BBS9: variants seen among roughly 807,000 people sequenced by gnomAD.
BBS9 encodes Bardet-Biedl syndrome 9.
In BBS9, 89 loss-of-function variants were observed where a neutral mutation model predicts 117.7. The ratio of observed to expected loss-of-function variants is 0.76; its 90% confidence interval spans 0.64 to 0.90. The LOEUF (loss-of-function observed/expected upper bound fraction) is 0.90. BBS9 is among the 40% of genes least tolerant of loss of function. BBS9 has a pLI of 0.00. For missense variants in BBS9, 982 were observed against 1,042.2 expected (o/e 0.94, Z 0.80); for synonymous variants, 379 against 370.9 (o/e 1.02, Z -0.25).
chr7:33,321,343 T>C (rs1811671812), intron 9 of BBS9, among the ~76,000 whole-genome samples: 1 of 152,132 alleles, frequency 6.6e-6, no homozygotes, highest in Non-Finnish European at 1.5e-5. Context: ...TTTAACAATA[T>C]TGATTCTTCT....
At chr7:33,150,518 G>C (rs1238016868) in intron 2 of BBS9, among the ~76,000 whole-genome samples, 1 of 152,132 alleles carries the variant, frequency 6.6e-6, no homozygotes, top group African/African-American at 2.4e-5. Context: ...ATGAATGGGA[G>C]TGTTCTGTGA....
chr7:33,199,830 A>G (rs1785548780), intron 5 of BBS9, among the ~76,000 whole-genome samples: 1 of 151,976 alleles, frequency 6.6e-6, no homozygotes, highest in Non-Finnish European at 1.5e-5. Context: ...AAGATACAGT[A>G]TATTGTTATA....
intron 21 of BBS9, among the ~76,000 whole-genome samples, chr7:33,579,407 A>T (rs1367322323): frequency 1.3e-5 from 2 of 152,140 alleles, no homozygotes; most frequent in African/African-American, 4.8e-5. Flanking sequence ...TATTTGTGTC[A>T]TGCAAAGGGG....
intron 19 of BBS9, among the ~76,000 whole-genome samples, chr7:33,490,338 G>GT (rs1194047026): frequency 6.7e-6 from 1 of 149,142 alleles, no homozygotes; most frequent in Non-Finnish European, 1.5e-5. Flanking sequence ...TTTCTTTTTT[G>GT]TTTTTTTCTG....
chr7:33,391,422 G>A (rs1317980976), intron 19 of BBS9, among the ~76,000 whole-genome samples: 1 of 151,972 alleles, frequency 6.6e-6, no homozygotes, highest in Non-Finnish European at 1.5e-5. Flanking sequence ...ATACACACAT[G>A]CACACATACA....
chr7:33,319,350 A>T (rs1437334344), intron 9 of BBS9, among the ~76,000 whole-genome samples: 1 of 152,124 alleles, frequency 6.6e-6, no homozygotes, highest in Non-Finnish European at 1.5e-5. Flanking sequence ...GTGCTGCTAT[A>T]AACATGCATG....
Position 33,505,563 on chromosome 7 carries a change from C to A in BBS9, c.2216C>A (p.Ala739Glu), listed in dbSNP as rs116483694. ...SATHLVILLIALWQKLSADQV... is the reference protein window; with the variant it reads ...SATHLVILLIELWQKLSADQV... ...ACCCATTTGGTGATTCTGCTGATCG[C>A]GCTGTGGCAGAAGCTTAGTGCTGAC... is the stretch of plus-strand genomic sequence containing the variant. Residue 739 changes from alanine (A) to glutamate (E), a missense_variant, in exon 20 of 23, where the codon GCG (alanine) becomes GAG (glutamate). Ala to Glu is a moderately radical substitution (Grantham distance 107). Transcript: ENST00000242067. 1 of 1,614,000 alleles carries A rather than the reference C, an allele frequency of 6.2e-7. No individual in the cohort carries two copies. Among genetic ancestry groups the A allele is most frequent in the Admixed American group, 1.7e-5 (1 of 60,002 alleles).
intron 5 of BBS9, among the ~76,000 whole-genome samples, chr7:33,240,391 G>T (rs1794292399): frequency 6.6e-6 from 1 of 151,758 alleles, no homozygotes; most frequent in Non-Finnish European, 1.5e-5. Flanking sequence ...CTGAGTAGCT[G>T]GGACAACAGG....
chr7:33,619,673 T>C (rs1865310973), intron 21 of BBS9, among the ~76,000 whole-genome samples: 1 of 152,120 alleles, frequency 6.6e-6, no homozygotes, highest in Admixed American at 6.6e-5. Context: ...TTTACCTCAA[T>C]GCTATGAAAC....
chr7:33,450,801 T>G (rs1345850450), intron 19 of BBS9, among the ~76,000 whole-genome samples: 1 of 152,172 alleles, frequency 6.6e-6, no homozygotes, highest in African/African-American at 2.4e-5. Flanking sequence ...GGTTTGAAAA[T>G]ATTTTCTCCC....
intron 5 of BBS9, among the ~76,000 whole-genome samples, chr7:33,254,226 A>G (rs1796665032): frequency 6.6e-6 from 1 of 151,952 alleles, no homozygotes; most frequent in African/African-American, 2.4e-5. Flanking sequence ...TTTCTAATTT[A>G]CCACTTTCTT....
chr7:33,617,432 G>T (rs1240714380), intron 21 of BBS9, among the ~76,000 whole-genome samples: 1 of 152,080 alleles, frequency 6.6e-6, no homozygotes, highest in African/African-American at 2.4e-5. Context: ...ATGATAAAGA[G>T]GTCAGTGCCT....
At chr7:33,520,639 G>A (rs1335533353) in intron 20 of BBS9, among the ~76,000 whole-genome samples, 2 of 152,162 alleles carry the variant, frequency 1.3e-5, no homozygotes, top group Non-Finnish European at 2.9e-5. Context: ...GTAATCCAAT[G>A]TACTTTCATG....
At chr7:33,320,824 T>C (rs1811557880) in intron 9 of BBS9, among the ~76,000 whole-genome samples, 1 of 151,970 alleles carries the variant, frequency 6.6e-6, no homozygotes, top group African/African-American at 2.4e-5. Flanking sequence ...TCCTGAAGAG[T>C]TTCCTCAATG....
intron 4 of BBS9, among the ~76,000 whole-genome samples, chr7:33,164,045 G>C (rs891411356): frequency 4.6e-5 from 7 of 152,102 alleles, no homozygotes; most frequent in Non-Finnish European, 1.0e-4. Flanking sequence ...TGTTCCCATT[G>C]GTTTCAAAGA....
chr7:33,397,293 T>G (rs6957694), intron 19 of BBS9, among the ~76,000 whole-genome samples: 2,620 of 152,206 alleles, frequency 0.017, 73 homozygotes, highest in African/African-American at 0.06. Context: ...CCAGTCAGAA[T>G]GGGTATAATT....
chr7:33,530,222 T>G (rs576794984), intron 20 of BBS9, among the ~76,000 whole-genome samples: 9 of 152,240 alleles, frequency 5.9e-5, no homozygotes, highest in Non-Finnish European at 1.3e-4. Context: ...CTCTGTATTT[T>G]AGTGGCAATC....
intron 5 of BBS9, among the ~76,000 whole-genome samples, chr7:33,235,725 A>G (rs1793346608): frequency 6.6e-6 from 1 of 152,212 alleles, no homozygotes; most frequent in Admixed American, 6.5e-5. Context: ...ATATGTATGC[A>G]CTAAAGATTC....
In BBS9 at chr7:33,614,043, G is replaced by C. The variant is rs534818053; in HGVS notation, c.2522-21134G>C. Among the ~76,000 whole-genome samples, 14 of 152,132 alleles carry C rather than the reference G, an allele frequency of 9.2e-5. 1 individual carries two copies. In the East Asian group the frequency reaches 2.7e-3, roughly 29 times the overall value. On this transcript the variant is annotated intron_variant, in intron 21 of 21. Transcript: ENST00000671952. ...CAATAAATATGCCTTTTTATGATAT[G>C]CTGAGCTGTCATGAAAAGCATGAAA...
Sources: allele counts gnomAD v4.1 joint callset (sites outside exome capture counted in the v4.1 genomes callset), GRCh38; gene constraint gnomAD v4.1.1; transcripts MANE v1.5; gene names NCBI Gene and HGNC (gene_info 2026-07-23, HGNC 2026-07-21).